Variants in CCDC144A observed in about 807,000 individuals in gnomAD.
The protein encoded by CCDC144A is coiled-coil domain containing 144A.
Under a neutral mutation model 143.8 loss-of-function variants are expected in CCDC144A, and 41 were observed. The observed-to-expected ratio is 0.29, with a 90% confidence interval of 0.22 to 0.37. The LOEUF (loss-of-function observed/expected upper bound fraction) is 0.37, where lower values mean the gene tolerates loss of function less well. CCDC144A is among the 10% of genes least tolerant of loss of function. The pLI is 1.00. For missense variants in CCDC144A, 637 were observed against 1,488.8 expected (o/e 0.43, Z 9.41); for synonymous variants, 242 against 517.9 (o/e 0.47, Z 7.23).
the CCDC144A span, among the ~76,000 whole-genome samples, chr17:16,682,614 A>T: frequency 6.6e-6 from 1 of 152,162 alleles, no homozygotes; most frequent in Admixed American, 6.6e-5. Flanking sequence ...GCAAAAAAGG[A>T]CTAGGGGTAA....
chr17:16,670,145 C>T, the CCDC144A span, among the ~76,000 whole-genome samples: 1 of 151,858 alleles, frequency 6.6e-6, no homozygotes, highest in African/African-American at 2.4e-5. Flanking sequence ...CACGCCACTG[C>T]ACTCCAGCCT....
upstream of CCDC144A, among the ~76,000 whole-genome samples, chr17:16,685,836 G>A (rs151026029): frequency 0.057 from 8,605 of 151,194 alleles, 365 homozygotes; most frequent in East Asian, 0.17. Context: ...GAATGGTGCC[G>A]TCTCAGCTCA....
chr17:16,767,791 G>A (rs184700579), intron 15 of CCDC144A, among the ~76,000 whole-genome samples: 5 of 152,350 alleles, frequency 3.3e-5, no homozygotes, highest in Admixed American at 1.3e-4. Context: ...ATAACTGGTT[G>A]TTGAAACAAG....
the CCDC144A span, among the ~76,000 whole-genome samples, chr17:16,672,926 A>G: frequency 6.6e-6 from 1 of 152,132 alleles, no homozygotes; most frequent in South Asian, 2.1e-4. Context: ...CCTAACACAG[A>G]TACAGATGAT....
chr17:16,674,684 A>G, the CCDC144A span, among the ~76,000 whole-genome samples: 1 of 152,140 alleles, frequency 6.6e-6, no homozygotes, highest in African/African-American at 2.4e-5. Context: ...GTAATGAATA[A>G]ACCACAGAAC....
At chr17:16,715,322 A>G (rs560173945) in intron 6 of CCDC144A, among the ~76,000 whole-genome samples, 110 of 151,010 alleles carry the variant, frequency 7.3e-4, no homozygotes, top group African/African-American at 2.5e-3. Context: ...AAAAAAAAAA[A>G]AAAGAAAGAA....
chr17:16,714,945 C>T (rs1377429202), intron 6 of CCDC144A, among the ~76,000 whole-genome samples: 1 of 152,184 alleles, frequency 6.6e-6, no homozygotes, highest in Non-Finnish European at 1.5e-5. Context: ...CTGGGCAGTT[C>T]CCTGTGTCTG....
chr17:16,748,285 G>A (rs1355098228), intron 12 of CCDC144A, among the ~76,000 whole-genome samples: 4 of 152,086 alleles, frequency 2.6e-5, no homozygotes, highest in Admixed American at 6.5e-5. Context: ...CTAATTTGTT[G>A]GGTGTTTTTT....
rs567259401 is a variant in CCDC144A at position 16,729,783 on chromosome 17, C to T, written c.2106-2017C>T. Among the ~76,000 whole-genome samples, 72 of 150,250 alleles carry T rather than the reference C, an allele frequency of 4.8e-4. 1 individual carries two copies. Among genetic ancestry groups the T allele is most frequent in the African/African-American group, 1.7e-3 (70 of 40,716 alleles). ...GGTCAGGCTGGTCTTGAACTCCTGACGTCAGGTGATTCTCCTACCTTGGCC... is the reference window on the plus strand; with the variant it reads ...GGTCAGGCTGGTCTTGAACTCCTGATGTCAGGTGATTCTCCTACCTTGGCC... On this transcript the variant is annotated intron_variant, in intron 9 of 16. Coordinates refer to ENST00000399273, the MANE Select transcript of CCDC144A (RefSeq NM_001382000.1).
chr17:16,692,241 G>A (rs1321454970), intron 1 of CCDC144A, among the ~76,000 whole-genome samples: 2 of 150,230 alleles, frequency 1.3e-5, no homozygotes, highest in Admixed American at 1.3e-4. Context: ...AGTCTGTATG[G>A]AACAGTAGTC....
At chr17:16,697,269 T>A (rs1245389450) in intron 2 of CCDC144A, among the ~76,000 whole-genome samples, 2 of 152,140 alleles carry the variant, frequency 1.3e-5, no homozygotes, top group Admixed American at 6.5e-5. Context: ...AAGCATTTTC[T>A]GTACAGGGCT....
intron 12 of CCDC144A, among the ~76,000 whole-genome samples, chr17:16,754,532 T>C (rs1914981001): frequency 6.6e-6 from 1 of 152,268 alleles, no homozygotes; most frequent in Non-Finnish European, 1.5e-5. Context: ...TTCAGGAGCA[T>C]GCTGTTTAAT....
the CCDC144A span, chr17:16,683,405 G>C: frequency 1.2e-6 from 1 of 848,092 alleles, no homozygotes; most frequent in South Asian, 1.7e-5. Context: ...GTTCTTGGGA[G>C]TCAAAATGCT....
At chr17:16,718,472 T>C (rs1162235076) in intron 6 of CCDC144A, among the ~76,000 whole-genome samples, 1 of 152,226 alleles carries the variant, frequency 6.6e-6, no homozygotes, top group East Asian at 1.9e-4. Flanking sequence ...AGCAAACTAA[T>C]TGTCCTTAAA....
At chr17:16,754,949 G>A (rs555403646) in intron 12 of CCDC144A, among the ~76,000 whole-genome samples, 352 of 152,160 alleles carry the variant, frequency 2.3e-3, no homozygotes, top group Non-Finnish European at 3.8e-3. Flanking sequence ...GTATCCTCTT[G>A]CTGAATTGAT....
chr17:16,690,626 G>C lies in CCDC144A; in HGVS notation c.226G>C (p.Val76Leu), dbSNP rs767216791. 6.2e-7 allele frequency: 1 copy of C among 1,613,660 alleles called. No homozygotes were observed. Among genetic ancestry groups the C allele is most frequent in the Non-Finnish European group, 8.5e-7 (1 of 1,179,882 alleles). Residue 76 changes from valine (V) to leucine (L), a missense_variant, in exon 1 of 17, where the codon GTC becomes CTC. Val to Leu is a conservative substitution (Grantham distance 32). Transcript: ENST00000399273. Reference protein sequence around the residue: ...EGALDQPQHDVRLEDLGELHR... With the variant: ...EGALDQPQHDLRLEDLGELHR... ...CGCCTTAGACCAGCCCCAGCACGAC[G>C]TCCGCCTGGAAGATCTTGGCGAGCT...
At chr17:16,716,088 A>G (rs1483413347) in intron 6 of CCDC144A, among the ~76,000 whole-genome samples, 1 of 151,922 alleles carries the variant, frequency 6.6e-6, no homozygotes, top group Non-Finnish European at 1.5e-5. Flanking sequence ...TTAAAATGAA[A>G]ATGATTTCAT....
At chr17:16,722,329 C>G (rs1490644708) in intron 8 of CCDC144A, among the ~76,000 whole-genome samples, 1 of 152,032 alleles carries the variant, frequency 6.6e-6, no homozygotes, top group Non-Finnish European at 1.5e-5. Context: ...ATTTGATTTG[C>G]CAAAGCTTTA....
At chr17:16,676,349 T>TA in the CCDC144A span, among the ~76,000 whole-genome samples, 1 of 151,328 alleles carries the variant, frequency 6.6e-6, no homozygotes, top group Non-Finnish European at 1.5e-5. Flanking sequence ...CTGTCTCTAC[T>TA]AAAATACAAA....
Sources: allele counts gnomAD v4.1 joint callset (sites outside exome capture counted in the v4.1 genomes callset), GRCh38; gene constraint gnomAD v4.1.1; transcripts MANE v1.5; gene names NCBI Gene and HGNC (gene_info 2026-07-23, HGNC 2026-07-21).